CYP2U1: variants seen among roughly 807,000 people sequenced by gnomAD.
CYP2U1 encodes the protein cytochrome P450 family 2 subfamily U member 1, also known as cytochrome P450 2U1.
Under a neutral mutation model 42.8 loss-of-function variants are expected in CYP2U1, and 28 were observed. That is an observed-to-expected ratio of 0.65 (90% confidence interval 0.48 to 0.90). CYP2U1 has a LOEUF of 0.90. CYP2U1 is among the 40% of genes least tolerant of loss of function. The probability of loss-of-function intolerance (pLI) is 0.00; values close to 1 mark genes in which losing one functional copy is unlikely to be tolerated. For missense variants in CYP2U1, 642 were observed against 693.8 expected (o/e 0.93, Z 0.84); for synonymous variants, 296 against 278.9 (o/e 1.06, Z -0.61).
In CYP2U1 at chr4:107,945,220, G is replaced by C; in HGVS notation, c.741G>C (p.Glu247Asp). The change falls in exon 2 of 5, where the codon GAG becomes GAC. Residue 247 changes from glutamate to aspartate, a missense_variant. Coordinates refer to ENST00000332884, the MANE Select transcript of CYP2U1 (RefSeq NM_183075.3). ...AGCGCTTTGATTACACTAATAGTGAGTTCAAGAAAATGCTTGGTTTTATGT... is the reference window on the plus strand; with the variant it reads ...AGCGCTTTGATTACACTAATAGTGACTTCAAGAAAATGCTTGGTTTTATGT... Reference protein sequence around the residue: ...FGQRFDYTNSEFKKMLGFMSR... With the variant: ...FGQRFDYTNSDFKKMLGFMSR... The C allele has an allele frequency of 6.2e-7, 1 of 1,614,068 alleles. No homozygotes were observed. The highest frequency in any genetic ancestry group is 1.1e-5 in the South Asian group (1 of 91,076).
intron 1 of CYP2U1, among the ~76,000 whole-genome samples, chr4:107,943,251 C>A (rs373545631): frequency 6.6e-5 from 10 of 152,310 alleles, no homozygotes; most frequent in African/African-American, 2.4e-4. Flanking sequence ...TCTGTGAACA[C>A]GCTTTCAGAG....
Position 107,931,584 on chromosome 4 carries a change from A to T in CYP2U1, c.-60A>T. On this transcript the variant is annotated 5_prime_UTR_variant, in exon 1 of 5. Coordinates refer to ENST00000332884, the MANE Select transcript of CYP2U1 (RefSeq NM_183075.3). ...AGGACACTGGCGCCGCGGGTCAGGC[A>T]GCTGCGTGCGCGTCTCCTCCAGGCA... 5 of 1,223,390 alleles carry T rather than the reference A, an allele frequency of 4.1e-6. No homozygotes were observed. The highest frequency in any genetic ancestry group is 5.1e-6 in the Non-Finnish European group (5 of 982,192). 75.8% of individuals were successfully genotyped at this position (1,223,390 alleles called of 1,614,324 possible).
At chr4:107,950,054 T>G (rs1052776421) in intron 4 of CYP2U1, among the ~76,000 whole-genome samples, 191 bp from the exon 5 acceptor site, 1 of 152,192 alleles carries the variant, frequency 6.6e-6, no homozygotes, top group Non-Finnish European at 1.5e-5. Flanking sequence ...AGTTAAAATG[T>G]GGATTTGATA....
At chr4:107,939,658 C>T (rs1477986844) in intron 1 of CYP2U1, among the ~76,000 whole-genome samples, 1 of 152,100 alleles carries the variant, frequency 6.6e-6, no homozygotes, top group Non-Finnish European at 1.5e-5. Flanking sequence ...CCTAGTTTAC[C>T]ATGCAGAATC....
intron 1 of CYP2U1, among the ~76,000 whole-genome samples, chr4:107,944,390 A>G (rs1733605714): frequency 6.6e-6 from 1 of 151,642 alleles, no homozygotes; most frequent in South Asian, 2.1e-4. Context: ...GCAGCATCCA[A>G]CTCCTGGGCT....
chr4:107,942,592 T>A (rs1214187034), intron 1 of CYP2U1, among the ~76,000 whole-genome samples: 1 of 152,156 alleles, frequency 6.6e-6, no homozygotes, highest in Non-Finnish European at 1.5e-5. Flanking sequence ...TAGACCAATA[T>A]AACCAACTAG....
At chr4:107,939,953 A>T (rs1296856227) in intron 1 of CYP2U1, among the ~76,000 whole-genome samples, 1 of 152,218 alleles carries the variant, frequency 6.6e-6, no homozygotes, top group East Asian at 1.9e-4. Flanking sequence ...ACACTCAACA[A>T]CCCTGGCCAC....
chr4:107,933,139 CG>C (rs1386099808), intron 1 of CYP2U1, among the ~76,000 whole-genome samples: 1 of 152,124 alleles, frequency 6.6e-6, no homozygotes, highest in Non-Finnish European at 1.5e-5. Flanking sequence ...GGATTTTAAA[CG>C]GAAAAGACAA....
At chr4:107,941,979 C>T (rs1410430935) in intron 1 of CYP2U1, among the ~76,000 whole-genome samples, 1 of 152,170 alleles carries the variant, frequency 6.6e-6, no homozygotes, top group African/African-American at 2.4e-5. Context: ...CAAAATCCAG[C>T]AATTTTTTAA....
rs757245518 is a variant in CYP2U1 at position 107,931,777 on chromosome 4, T to C, written c.134T>C (p.Leu45Pro). 6.7e-7 allele frequency: 1 copy of C among 1,501,468 alleles called. No individual in the cohort carries two copies. Among genetic ancestry groups the C allele is most frequent in the South Asian group, 1.3e-5 (1 of 76,504 alleles). 93.0% of individuals were successfully genotyped at this position (1,501,468 alleles called of 1,614,324 possible). A position where few individuals can be genotyped will look rare whatever the true frequency, so the allele number is the denominator to read the frequency against. The part of the protein sequence containing the change: ...GALLLCGLVA[L>P]LGWSWLRRRR... ...CTGCTGCTATGCGGCCTCGTAGCGC[T>C]GCTGGGCTGGAGCTGGCTGCGGAGG... The change falls in exon 1 of 5, where the codon CTG becomes CCG. Residue 45 changes from leucine (L) to proline (P), a missense_variant. Coordinates refer to ENST00000332884, the MANE Select transcript of CYP2U1 (RefSeq NM_183075.3).
chr4:107,935,992 G>A (rs1733247828), intron 1 of CYP2U1: 3 of 152,202 alleles, frequency 2.0e-5, no homozygotes, highest in Non-Finnish European at 4.4e-5. Flanking sequence ...AACGCAAAGA[G>A]AGGCTAGAAA....
In CYP2U1 at chr4:107,931,617, G is replaced by A. The variant is rs898944464; in HGVS notation, c.-27G>A. 2 of 1,250,912 alleles carry A rather than the reference G, an allele frequency of 1.6e-6. No individual in the cohort carries two copies. The highest frequency in any genetic ancestry group is 3.1e-5 in the African/African-American group (2 of 64,606). The allele number at this position is 1,250,912 out of a possible 1,614,324, so 77.5% of individuals were successfully genotyped here. A position where few individuals can be genotyped will look rare whatever the true frequency, so the allele number is the denominator to read the frequency against. Reference sequence around the variant, plus strand: ...GCGCGTCTCCTCCAGGCAGCAAGGGGAACCCGAGGCCGCCGGCGCCCGGAC... The same window carrying A: ...GCGCGTCTCCTCCAGGCAGCAAGGGAAACCCGAGGCCGCCGGCGCCCGGAC... On this transcript the variant is annotated 5_prime_UTR_variant, in exon 1 of 5. Coordinates refer to ENST00000332884, the MANE Select transcript of CYP2U1 (RefSeq NM_183075.3).
intron 1 of CYP2U1, among the ~76,000 whole-genome samples, 163 bp from the exon 2 acceptor site, chr4:107,944,803 CCAAT>C (rs1410484988): frequency 1.5e-5 from 1 of 68,750 alleles, no homozygotes; most frequent in Middle Eastern, 0.01. Context: ...CTAAATTTTG[CCAAT>C]CATTCTTCTT....
At chr4:107,943,826 T>A (rs987492338) in intron 1 of CYP2U1, among the ~76,000 whole-genome samples, 2 of 152,192 alleles carry the variant, frequency 1.3e-5, no homozygotes, top group African/African-American at 4.8e-5. Context: ...GGAAGGAAGC[T>A]AGCCAAAATG....
intron 1 of CYP2U1, among the ~76,000 whole-genome samples, chr4:107,933,690 C>G (rs1733137675): frequency 6.6e-6 from 1 of 152,164 alleles, no homozygotes; most frequent in African/African-American, 2.4e-5. Flanking sequence ...GCTCAAGTCC[C>G]TGATATAAAA....
chr4:107,935,659 G>A (rs1472745024), intron 1 of CYP2U1: 4 of 152,140 alleles, frequency 2.6e-5, no homozygotes, highest in Non-Finnish European at 5.9e-5. Context: ...ATCATCAAAG[G>A]ATGAAGGAAC....
chr4:107,947,352 G>A (rs772686853), intron 2 of CYP2U1, 24 bp from the exon 3 acceptor site: 4 of 1,612,568 alleles, frequency 2.5e-6, no homozygotes, highest in Non-Finnish European at 3.4e-6. Flanking sequence ...TTATCTTCTG[G>A]TTTATTTTTC....
rs1048781138 is a variant in CYP2U1 at position 107,952,633 on chromosome 4, A to G, written c.*2210A>G. The G allele has an allele frequency of 6.6e-6, 1 of 152,130 alleles. No homozygotes were observed. Among genetic ancestry groups the G allele is most frequent in the Non-Finnish European group, 1.5e-5 (1 of 68,026 alleles). The allele number at this position is 152,130 out of a possible 1,614,324, so 9.4% of individuals were successfully genotyped here. ...ACCTCTGACTTCTGCCGTTAGCCAT[A>G]CTCTGTGTAGTTAGATCTCAGTCTG... On this transcript the variant is annotated 3_prime_UTR_variant, in exon 5 of 5. Coordinates refer to ENST00000332884, the MANE Select transcript of CYP2U1 (RefSeq NM_183075.3).
At chr4:107,932,640 C>G (rs915266384) in intron 1 of CYP2U1, among the ~76,000 whole-genome samples, 3 of 152,220 alleles carry the variant, frequency 2.0e-5, no homozygotes, top group Admixed American at 6.5e-5. Context: ...TTCATAGCCT[C>G]TGATTCCTGC....
Sources: allele counts gnomAD v4.1 joint callset (sites outside exome capture counted in the v4.1 genomes callset), GRCh38; gene constraint gnomAD v4.1.1; transcripts MANE v1.5; gene names NCBI Gene and HGNC (gene_info 2026-07-23, HGNC 2026-07-21).